The following SUGT1 variants were observed in gnomAD, a reference collection of about 807,000 sequenced individuals.
SUGT1 encodes protein SGT1 homolog.
SUGT1 carries 15 observed loss-of-function variants against 56.1 expected under a neutral mutation model. That is an observed-to-expected ratio of 0.27 (90% CI 0.18 to 0.41). The LOEUF (loss-of-function observed/expected upper bound fraction) is 0.41, where lower values mean the gene tolerates loss of function less well. Ranked by LOEUF, SUGT1 falls within the 10% of genes least tolerant of loss-of-function variation. SUGT1 has a pLI of 1.00. For missense variants in SUGT1, 347 were observed against 382.2 expected, an observed-to-expected ratio of 0.91 and a Z score of 0.77; for synonymous variants, 123 against 128.6, an observed-to-expected ratio of 0.96 and a Z score of 0.30.
chr13:52,667,007 G>C, intron 10 of SUGT1, 88 bp downstream of exon 10: 1 of 892,298 alleles, frequency 1.1e-6, no homozygotes, highest in Non-Finnish European at 1.7e-6. Context: ...TTATAAGCTT[G>C]TAGATTCTTT....
Position 52,653,048 on chromosome 13 carries a change from T to C in SUGT1, c.41T>C (p.Phe14Ser), listed in dbSNP as rs758955190. 1 of 1,614,158 alleles carries C rather than the reference T, an allele frequency of 6.2e-7. No individual in the cohort carries two copies. The highest frequency in any genetic ancestry group is 8.5e-7 in the Non-Finnish European group (1 of 1,180,030). The change falls in exon 2 of 13, where the codon TTT becomes TCT. Residue 14 changes from phenylalanine to serine, a missense_variant and splice_region_variant. Coordinates refer to ENST00000310528, the MANE Select transcript of SUGT1 (RefSeq NM_006704.5). The stretch of plus-strand genomic sequence containing the variant: ...TGAAGTCGTTGTTTTCCTGACAGGT[T>C]TTTCCAGAGCTTCTCGGATGCCCTA... Reference protein sequence around the residue: ...AAAGTATSQRFFQSFSDALID... With the variant: ...AAAGTATSQRSFQSFSDALID...
In SUGT1 at chr13:52,694,063, C is replaced by T. The variant is rs1283923270; in HGVS notation, c.*6228C>T. ...TTTTGGACAGCAGTTGACTGTGGGT[C>T]ACTGAAATTGTGGAAAGCAAAACCA... On this transcript the variant is annotated 3_prime_UTR_variant, in exon 13 of 13. Coordinates refer to ENST00000310528, the MANE Select transcript of SUGT1 (RefSeq NM_006704.5). The T allele has an allele frequency of 1.3e-5, 2 of 152,138 alleles. No homozygotes were observed. The highest frequency in any genetic ancestry group is 6.5e-5 in the Admixed American group (1 of 15,272). The allele number at this position is 152,138 out of a possible 1,614,324, so 9.4% of individuals were successfully genotyped here.
In SUGT1 at chr13:52,697,256, T is replaced by G. The variant is rs1032229632; in HGVS notation, c.*9421T>G. The G allele has an allele frequency of 1.0e-4, 16 of 152,552 alleles. No homozygotes were observed. The highest frequency in any genetic ancestry group is 2.9e-5 in the Non-Finnish European group (2 of 68,220). 9.4% of individuals were successfully genotyped at this position (152,552 alleles called of 1,614,324 possible). A position where few individuals can be genotyped will look rare whatever the true frequency, so the allele number is the denominator to read the frequency against. ...CTGGGTTCAAGCAGTCCTCCCACCT[T>G]GGCCTCCCAAAGTGTTGGGATTATA... is the stretch of plus-strand genomic sequence containing the variant. On this transcript the variant is annotated 3_prime_UTR_variant, in exon 13 of 13. Transcript: ENST00000310528.
rs1182316264 is a variant in SUGT1 at position 52,698,266 on chromosome 13, G to A, written c.*10431G>A. On this transcript the variant is annotated 3_prime_UTR_variant, in exon 13 of 13. Transcript: ENST00000310528. ...ACTGTCAGTATGAGGAGACAAAAAC[G>A]AAGTCAGGATTTTGGAGCTGGAATG... 1.3e-5 allele frequency: 2 copies of A among 152,096 alleles called. No homozygotes were observed. The highest frequency in any genetic ancestry group is 6.5e-5 in the Admixed American group (1 of 15,270). 9.4% of individuals were successfully genotyped at this position (152,096 alleles called of 1,614,324 possible).
intron 12 of SUGT1, 104 bp from the exon 13 acceptor site, chr13:52,687,630 A>G (rs1019140069): frequency 2.8e-6 from 2 of 720,510 alleles, no homozygotes; most frequent in Non-Finnish European, 4.3e-6. Flanking sequence ...TGAGCTGTAT[A>G]TAATAGCCAA....
chr13:52,679,254 C>T (rs561098990), intron 11 of SUGT1, among the ~76,000 whole-genome samples: 1 of 152,232 alleles, frequency 6.6e-6, no homozygotes, highest in Admixed American at 6.5e-5. Context: ...TTGGCAGTAC[C>T]CCGAGCCCCT....
In SUGT1 at chr13:52,662,136, A is replaced by T. The variant is rs184490757; in HGVS notation, c.329-513A>T. Reference sequence around the variant, plus strand: ...GGACAAAACTTCACGGAATTTAAAGATGCTTGGTGTTGGTAGGAAAGGCAT... The same window carrying T: ...GGACAAAACTTCACGGAATTTAAAGTTGCTTGGTGTTGGTAGGAAAGGCAT... On this transcript the variant is annotated intron_variant, in intron 5 of 12. Coordinates refer to ENST00000310528, the MANE Select transcript of SUGT1 (RefSeq NM_006704.5). 2.6e-5 allele frequency among the ~76,000 whole-genome samples: 4 copies of T among 152,328 alleles called. No homozygotes were observed. The East Asian group carries it at 7.7e-4, about 29-fold the overall frequency.
rs1963852711 is a variant in SUGT1 at position 52,693,984 on chromosome 13, ATAT to A, written c.*6152_*6154del. 6.6e-6 allele frequency: 1 copy of A among 152,204 alleles called. No individual in the cohort carries two copies. The highest frequency in any genetic ancestry group is 2.4e-5 in the African/African-American group (1 of 41,448). The allele number at this position is 152,204 out of a possible 1,614,324, so 9.4% of individuals were successfully genotyped here. A position where few individuals can be genotyped will look rare whatever the true frequency, so the allele number is the denominator to read the frequency against. On this transcript the variant is annotated 3_prime_UTR_variant, in exon 13 of 13. Transcript: ENST00000310528. ...AAGTTTATAAATTAGGCACAGTAAG[ATAT>A]TAATAATAGAATATACAATATACCG...
In SUGT1 at chr13:52,697,570, C is replaced by G. The variant is rs1044997686; in HGVS notation, c.*9735C>G. The G allele has an allele frequency of 2.6e-5, 4 of 152,094 alleles. No individual in the cohort carries two copies. The highest frequency in any genetic ancestry group is 9.7e-5 in the African/African-American group (4 of 41,414). 9.4% of individuals were successfully genotyped at this position (152,094 alleles called of 1,614,324 possible). The stretch of plus-strand genomic sequence containing the variant: ...CACGTGTCCATTTTTTTTCTGGAAT[C>G]CCTGAAGAAATTTTGAGATACTGAG... On this transcript the variant is annotated 3_prime_UTR_variant, in exon 13 of 13. Transcript: ENST00000310528.
At chr13:52,674,053 CTTTTTTTTT>C (rs765220996) in intron 10 of SUGT1, among the ~76,000 whole-genome samples, 4 of 107,962 alleles carry the variant, frequency 3.7e-5, no homozygotes, top group African/African-American at 1.5e-4. Context: ...AGATAGTATA[CTTTTTTTTT>C]TTTTTTTTTT....
chr13:52,687,461 G>A, intron 12 of SUGT1: 1 of 203,690 alleles, frequency 4.9e-6, no homozygotes, highest in Non-Finnish European at 9.7e-6. Flanking sequence ...AGGATGTAGT[G>A]CACCTCCCTG....
At chr13:52,658,229 A>G (rs1308102507) in intron 3 of SUGT1, 170 bp from the exon 4 acceptor site, 5 of 1,516,870 alleles carry the variant, frequency 3.3e-6, no homozygotes, top group African/African-American at 1.4e-5. Flanking sequence ...AAAGGAAGGT[A>G]CAAGAGTAAT....
chr13:52,675,265 G>T (rs1963098782), intron 10 of SUGT1, among the ~76,000 whole-genome samples: 1 of 152,116 alleles, frequency 6.6e-6, no homozygotes, highest in African/African-American at 2.4e-5. Flanking sequence ...AATGGTCGAG[G>T]ATGTGTCTTT....
chr13:52,671,396 A>G (rs555234305), intron 10 of SUGT1, among the ~76,000 whole-genome samples: 18 of 152,200 alleles, frequency 1.2e-4, no homozygotes, highest in Admixed American at 9.8e-4. Flanking sequence ...TCAACAGCAA[A>G]GTATTTCGGC....
rs1312908861 is a variant in SUGT1 at position 52,687,917 on chromosome 13, C to T, written c.*82C>T. The T allele has an allele frequency of 2.5e-6, 2 of 786,648 alleles. No homozygotes were observed. The highest frequency in any genetic ancestry group is 3.8e-6 in the Non-Finnish European group (2 of 530,090). The allele number at this position is 786,648 out of a possible 1,614,324, so 48.7% of individuals were successfully genotyped here. On this transcript the variant is annotated 3_prime_UTR_variant, in exon 13 of 13. Coordinates refer to ENST00000310528, the MANE Select transcript of SUGT1 (RefSeq NM_006704.5). Reference sequence around the variant, plus strand: ...TGATATTGCATTCTTGAATTTTGAACACTGAATATCTTTTTGAAAGATTAT... The same window carrying T: ...TGATATTGCATTCTTGAATTTTGAATACTGAATATCTTTTTGAAAGATTAT...
chr13:52,666,754 T>A, intron 9 of SUGT1, 58 bp from the exon 10 acceptor site: 1 of 1,121,712 alleles, frequency 8.9e-7, no homozygotes, highest in East Asian at 2.4e-5. Flanking sequence ...TTTGTGTAGG[T>A]TTTTTACCCT....
chr13:52,682,082 C>G (rs75197705), intron 12 of SUGT1, among the ~76,000 whole-genome samples: 4 of 152,046 alleles, frequency 2.6e-5, no homozygotes, highest in Non-Finnish European at 5.9e-5. Flanking sequence ...TCTAATTTAC[C>G]GCTTTTTATG....
At chr13:52,669,652 C>G (rs1010097292) in intron 10 of SUGT1, among the ~76,000 whole-genome samples, 4 of 151,850 alleles carry the variant, frequency 2.6e-5, no homozygotes, top group Non-Finnish European at 5.9e-5. Flanking sequence ...AAGGATGTGT[C>G]CTAAAGAATT....
At chr13:52,669,990 T>C (rs1033703099) in intron 10 of SUGT1, among the ~76,000 whole-genome samples, 7 of 152,212 alleles carry the variant, frequency 4.6e-5, no homozygotes. Context: ...TGAGATATCT[T>C]GGACCTTTGT....
Sources: allele counts gnomAD v4.1 joint callset (sites outside exome capture counted in the v4.1 genomes callset), GRCh38; gene constraint gnomAD v4.1.1; transcripts MANE v1.5; gene names NCBI Gene and HGNC (gene_info 2026-07-23, HGNC 2026-07-21).